Variants in CHCHD6 observed in about 807,000 individuals in gnomAD.
The protein encoded by CHCHD6 is coiled-coil-helix-coiled-coil-helix domain containing 6.
CHCHD6 carries 28 observed loss-of-function variants against 32.3 expected under a neutral mutation model. That is an observed-to-expected ratio of 0.87 (90% CI 0.64 to 1.19). CHCHD6 has a LOEUF of 1.19. Ranked by LOEUF, CHCHD6 falls within the 50% of genes most tolerant of loss-of-function variation. CHCHD6 has a pLI of 0.00. For synonymous variants in CHCHD6, 122 were observed against 117.5 expected (o/e 1.04, Z -0.25); for missense variants, 333 against 307.0 (o/e 1.08, Z -0.63).
intron 5 of CHCHD6, among the ~76,000 whole-genome samples, chr3:126,868,731 C>G (rs901402140): frequency 6.6e-6 from 1 of 152,204 alleles, no homozygotes; most frequent in Non-Finnish European, 1.5e-5. Context: ...CACATCAAAT[C>G]TATGTGCATG....
At chr3:126,710,319 G>A (rs4679283) in intron 1 of CHCHD6, among the ~76,000 whole-genome samples, 67,342 of 152,002 alleles carry the variant, frequency 0.44, 16,230 homozygotes, top group African/African-American at 0.64. Context: ...CCTTATGCCA[G>A]TACCATGCTG....
chr3:126,770,391 C>T (rs1937522475), intron 4 of CHCHD6, among the ~76,000 whole-genome samples: 1 of 152,192 alleles, frequency 6.6e-6, no homozygotes. Context: ...TCAGAAAGGA[C>T]ATTCTTGTGT....
intron 4 of CHCHD6, among the ~76,000 whole-genome samples, chr3:126,771,125 G>A (rs1029154257): frequency 6.6e-5 from 10 of 151,650 alleles, no homozygotes; most frequent in South Asian, 4.2e-4. Context: ...AGAGTTGTTC[G>A]TAGTAGTCTC....
chr3:126,767,012 G>A, intron 4 of CHCHD6: 1 of 870,192 alleles, frequency 1.1e-6, no homozygotes. Flanking sequence ...GCTACATTTG[G>A]TACAGGCAGG....
chr3:126,920,669 C>T (rs1489210121), intron 6 of CHCHD6, among the ~76,000 whole-genome samples: 3 of 152,232 alleles, frequency 2.0e-5, no homozygotes, highest in East Asian at 3.8e-4. Context: ...CTCTGGAATC[C>T]TGGCTCCCTA....
intron 5 of CHCHD6, among the ~76,000 whole-genome samples, chr3:126,862,307 CCAT>C (rs1384268023): frequency 7.6e-6 from 1 of 131,948 alleles, no homozygotes; most frequent in Non-Finnish European, 1.6e-5. Flanking sequence ...TCCTCCTCTA[CCAT>C]CATCACCTCC....
At chr3:126,922,224 T>G (rs1202639014) in intron 6 of CHCHD6, among the ~76,000 whole-genome samples, 1 of 152,216 alleles carries the variant, frequency 6.6e-6, no homozygotes, top group Non-Finnish European at 1.5e-5. Context: ...GCTTGGCACA[T>G]GTACTGTACC....
chr3:126,814,751 G>A lies in CHCHD6; in HGVS notation c.412-37896G>A, dbSNP rs2107533172. Among the ~76,000 whole-genome samples the A allele has an allele frequency of 1.3e-5, 2 of 152,306 alleles. 1 individual carries two copies. Among genetic ancestry groups the A allele is most frequent in the South Asian group, 4.2e-4 (2 of 4,818 alleles). ...CCAGGAAATGTAAGTGTTTCCCTGA[G>A]TTCTGTGAGCCACTCCATCAAATTA... On this transcript the variant is annotated intron_variant, in intron 4 of 7. Transcript: ENST00000290913.
intron 4 of CHCHD6, among the ~76,000 whole-genome samples, chr3:126,787,079 G>C (rs1231065542): frequency 6.6e-6 from 1 of 152,150 alleles, no homozygotes; most frequent in East Asian, 1.9e-4. Flanking sequence ...TGTTAAATAG[G>C]GAATCCTTTC....
Position 126,733,134 on chromosome 3 carries a change from A to T in CHCHD6, c.323A>T (p.Glu108Val). 6.2e-7 allele frequency: 1 copy of T among 1,614,146 alleles called. No homozygotes were observed. Among genetic ancestry groups the T allele is most frequent in the Non-Finnish European group, 8.5e-7 (1 of 1,179,992 alleles). Residue 108 changes from glutamate to valine, a missense_variant, in exon 4 of 8, where the codon GAA becomes GTA. Transcript: ENST00000290913. ...QDKLFQVAKR[E>V]REAATKHSKA... Reference sequence around the variant, plus strand: ...AAGCTCTTCCAGGTGGCAAAGAGGGAAAGAGAGGCTGCCACCAAGCACTCC... The same window carrying T: ...AAGCTCTTCCAGGTGGCAAAGAGGGTAAGAGAGGCTGCCACCAAGCACTCC...
intron 4 of CHCHD6, among the ~76,000 whole-genome samples, chr3:126,842,633 T>G (rs966991834): frequency 6.6e-6 from 1 of 152,226 alleles, no homozygotes; most frequent in African/African-American, 2.4e-5. Flanking sequence ...AATTTTGCAT[T>G]TAAGTACATT....
intron 5 of CHCHD6, among the ~76,000 whole-genome samples, chr3:126,862,045 A>T (rs1420309955): frequency 1.3e-4 from 2 of 15,012 alleles, no homozygotes; most frequent in Non-Finnish European, 1.2e-4. Context: ...CCCCTCCTCC[A>T]CCATCACCAA....
intron 4 of CHCHD6, among the ~76,000 whole-genome samples, chr3:126,735,152 C>G (rs1481084252): frequency 6.6e-6 from 1 of 152,110 alleles, no homozygotes; most frequent in Non-Finnish European, 1.5e-5. Context: ...ATGGCATGAG[C>G]AGGAAAAGTT....
chr3:126,883,081 A>G (rs532720952), intron 5 of CHCHD6, among the ~76,000 whole-genome samples: 16 of 152,210 alleles, frequency 1.1e-4, no homozygotes, highest in Non-Finnish European at 2.1e-4. Context: ...AACCCAAACA[A>G]GGATTGGCTG....
chr3:126,786,763 A>AT (rs1305370070), intron 4 of CHCHD6, among the ~76,000 whole-genome samples: 1 of 152,024 alleles, frequency 6.6e-6, no homozygotes, highest in East Asian at 1.9e-4. Context: ...ATTTTCTCCC[A>AT]TTTTTTAGGT....
chr3:126,805,600 C>A (rs1939328850), intron 4 of CHCHD6, among the ~76,000 whole-genome samples: 1 of 152,086 alleles, frequency 6.6e-6, no homozygotes, highest in African/African-American at 2.4e-5. Context: ...TAGGAAGAAT[C>A]AATATCGTGA....
chr3:126,870,697 C>T (rs1341359215), intron 5 of CHCHD6, among the ~76,000 whole-genome samples: 3 of 152,184 alleles, frequency 2.0e-5, no homozygotes, highest in Non-Finnish European at 1.5e-5. Flanking sequence ...TGGACCTGAG[C>T]ACAGGGACTT....
At chr3:126,914,060 A>G (rs1428083956) in intron 5 of CHCHD6, among the ~76,000 whole-genome samples, 1 of 152,140 alleles carries the variant, frequency 6.6e-6, no homozygotes, top group Non-Finnish European at 1.5e-5. Context: ...ATCTGGACAG[A>G]TGGTTGCTGT....
intron 5 of CHCHD6, among the ~76,000 whole-genome samples, chr3:126,860,556 T>C (rs1233021443): frequency 6.6e-6 from 1 of 152,122 alleles, no homozygotes; most frequent in African/African-American, 2.4e-5. Flanking sequence ...GTAACAAACC[T>C]GCATGTTGTG....
Sources: allele counts gnomAD v4.1 joint callset (sites outside exome capture counted in the v4.1 genomes callset), GRCh38; gene constraint gnomAD v4.1.1; transcripts MANE v1.5; gene names NCBI Gene and HGNC (gene_info 2026-07-23, HGNC 2026-07-21).